The following DNAH17 variants were observed in gnomAD, a reference collection of about 807,000 sequenced individuals.
DNAH17 encodes dynein axonemal heavy chain 17.
In DNAH17, 376 loss-of-function variants were observed where a neutral mutation model predicts 485.6. The observed-to-expected ratio is 0.77, with a 90% confidence interval of 0.71 to 0.84. The LOEUF is 0.84. DNAH17 is among the 40% of genes least tolerant of loss of function. DNAH17 has a pLI of 0.00. For synonymous variants in DNAH17, 3,031 were observed against 2,405.9 expected, an observed-to-expected ratio of 1.26 and a Z score of -7.60; for missense variants, 6,370 against 5,839.3, an observed-to-expected ratio of 1.09 and a Z score of -2.96.
chr17:78,466,331 A>T (rs1483882309), intron 56 of DNAH17, among the ~76,000 whole-genome samples: 5 of 152,094 alleles, frequency 3.3e-5, no homozygotes, highest in Non-Finnish European at 5.9e-5. Context: ...TGCCTAGGAA[A>T]ACCAGAGACC....
chr17:78,570,426 C>T (rs2092335314), intron 6 of DNAH17, 54 bp from the exon 7 acceptor site: 15 of 1,569,530 alleles, frequency 9.6e-6, no homozygotes, highest in Non-Finnish European at 1.2e-5. Flanking sequence ...TGCACCTTAT[C>T]CCGGTGTCCC....
chr17:78,475,560 CT>C, intron 53 of DNAH17, 91 bp from the exon 54 acceptor site: 8 of 1,598,098 alleles, frequency 5.0e-6, no homozygotes, highest in Middle Eastern at 2.0e-4. Flanking sequence ...GAGGTGTGCA[CT>C]GTGTGCCACG....
At chr17:78,544,142 C>T (rs2091684288) in intron 16 of DNAH17, 145 bp from the exon 17 acceptor site, 6 of 1,201,128 alleles carry the variant, frequency 5.0e-6, no homozygotes, top group Non-Finnish European at 6.9e-6. Context: ...CCATGCCCAT[C>T]AGGGGCTACT....
At chr17:78,554,237 C>G (rs1277990957) in intron 14 of DNAH17, among the ~76,000 whole-genome samples, 1 of 151,926 alleles carries the variant, frequency 6.6e-6, no homozygotes, top group African/African-American at 2.4e-5. Flanking sequence ...GTCAGGAGTT[C>G]AAGACCAGCC....
At chr17:78,478,346 AC>A (rs1363563778) in intron 51 of DNAH17, among the ~76,000 whole-genome samples, 1 of 139,634 alleles carries the variant, frequency 7.2e-6, no homozygotes, top group African/African-American at 2.8e-5. Context: ...CCATCACATC[AC>A]CCACATCACC....
intron 45 of DNAH17, 35 bp downstream of exon 45, chr17:78,486,189 C>G: frequency 6.3e-7 from 1 of 1,591,976 alleles, no homozygotes; most frequent in Non-Finnish European, 8.6e-7. Flanking sequence ...GCTGAGAGAC[C>G]CTGTGTGGGT....
intron 77 of DNAH17, 87 bp downstream of exon 77, chr17:78,428,438 C>T (rs1157010428): frequency 6.7e-7 from 1 of 1,487,296 alleles, no homozygotes. Flanking sequence ...GCAAGTTCCC[C>T]TGTACTGCCG....
rs1441599731 is a variant in DNAH17 at position 78,519,213 on chromosome 17, T to A, written c.3865-4191A>T. The stretch of plus-strand genomic sequence containing the variant: ...AAAAAAGAAATGTAAAATATACTTC[T>A]AAATCATCCATGGGTCAAAGAGGAA... On this transcript the variant is annotated intron_variant, in intron 25 of 80. Coordinates refer to ENST00000389840, the MANE Select transcript of DNAH17 (RefSeq NM_173628.4). Among the ~76,000 whole-genome samples the A allele has an allele frequency of 4.8e-5, 7 of 144,858 alleles. No homozygotes were observed. The East Asian group carries it at 1.4e-3, about 29-fold the overall frequency.
chr17:78,537,029 T>A (rs766522653), intron 19 of DNAH17, among the ~76,000 whole-genome samples: 39 of 151,196 alleles, frequency 2.6e-4, no homozygotes, highest in Non-Finnish European at 5.2e-4. Context: ...AATAAAAAAA[T>A]TAGCCGGGTG....
chr17:78,432,195 T>TA (rs1207019744), intron 75 of DNAH17, among the ~76,000 whole-genome samples: 8 of 147,358 alleles, frequency 5.4e-5, no homozygotes. Context: ...AATAAATAAA[T>TA]AAATAAATAA....
intron 25 of DNAH17, among the ~76,000 whole-genome samples, chr17:78,521,342 G>A (rs544747833): frequency 6.6e-6 from 1 of 152,168 alleles, no homozygotes; most frequent in South Asian, 2.1e-4. Flanking sequence ...GGAGGTGGAG[G>A]TTGCAGTGAG....
Position 78,556,295 on chromosome 17 carries a change from A to G in DNAH17, c.2178+1813T>C, listed in dbSNP as rs1271538840. Reference sequence around the variant, plus strand: ...TCTCTGGAGAACTCTAACTAATACAATGGCCATGAGCCCAGGAAGGTGCAG... The same window carrying G: ...TCTCTGGAGAACTCTAACTAATACAGTGGCCATGAGCCCAGGAAGGTGCAG... On this transcript the variant is annotated intron_variant, in intron 14 of 80. Coordinates refer to ENST00000389840, the MANE Select transcript of DNAH17 (RefSeq NM_173628.4). 4.6e-5 allele frequency among the ~76,000 whole-genome samples: 7 copies of G among 152,252 alleles called. No homozygotes were observed. The East Asian group carries it at 1.4e-3, about 29-fold the overall frequency.
At chr17:78,445,495 A>G in intron 70 of DNAH17, 63 bp downstream of exon 70, 1 of 1,531,568 alleles carries the variant, frequency 6.5e-7, no homozygotes, top group Non-Finnish European at 8.8e-7. Context: ...CATCCGCAGC[A>G]TCAGCTGGAG....
At chr17:78,506,891 G>C (rs1314371363) in intron 29 of DNAH17, 45 bp from the exon 30 acceptor site, 1 of 1,609,072 alleles carries the variant, frequency 6.2e-7, no homozygotes, top group Non-Finnish European at 8.5e-7. Flanking sequence ...ACCCTACTCT[G>C]TAGGGATGTC....
intron 80 of DNAH17, 59 bp from the exon 81 acceptor site, chr17:78,424,212 G>A: frequency 6.4e-7 from 1 of 1,551,846 alleles, no homozygotes; most frequent in Admixed American, 1.8e-5. Flanking sequence ...GGAGGGGCTG[G>A]CAGGAAGGGT....
intron 74 of DNAH17, among the ~76,000 whole-genome samples, chr17:78,434,747 G>C (rs1055815879): frequency 2.6e-5 from 4 of 152,108 alleles, no homozygotes; most frequent in African/African-American, 9.7e-5. Flanking sequence ...CCTAAATTGT[G>C]ACTCCTACGT....
chr17:78,559,151 AG>A (rs1191877285), intron 13 of DNAH17, among the ~76,000 whole-genome samples: 1 of 152,164 alleles, frequency 6.6e-6, no homozygotes, highest in Non-Finnish European at 1.5e-5. Context: ...CCGCTGAATG[AG>A]GTAATGAGAT....
chr17:78,499,164 C>T (rs368702944), intron 36 of DNAH17, 52 bp from the exon 37 acceptor site: 89 of 1,243,798 alleles, frequency 7.2e-5, no homozygotes, highest in South Asian at 4.7e-4. Context: ...ACAGGGAGGG[C>T]GGGCGCTGCA....
In DNAH17 at chr17:78,455,578, C is replaced by T. The variant is rs1382190320; in HGVS notation, c.10170+66G>A. ...CTGGCCTCAAGTAATCCGCCCGCCT[C>T]GGCCTCCCAAAGTGCTGGCATTACA... On this transcript the variant is annotated intron_variant, in intron 63 of 80. Coordinates refer to ENST00000389840, the MANE Select transcript of DNAH17 (RefSeq NM_173628.4). 20 of 1,295,388 alleles carry T rather than the reference C, an allele frequency of 1.5e-5. No homozygotes were observed. In the Middle Eastern group the frequency reaches 6.8e-4, roughly 44 times the overall value. 80.2% of individuals were successfully genotyped at this position (1,295,388 alleles called of 1,614,324 possible).
Sources: allele counts gnomAD v4.1 joint callset (sites outside exome capture counted in the v4.1 genomes callset), GRCh38; gene constraint gnomAD v4.1.1; transcripts MANE v1.5; gene names NCBI Gene and HGNC (gene_info 2026-07-23, HGNC 2026-07-21).